EYA4: variants seen among roughly 807,000 people sequenced by gnomAD.
EYA4 encodes the protein protein phosphatase EYA4.
In EYA4, 31 loss-of-function variants were observed where a neutral mutation model predicts 87.9. That is an observed-to-expected ratio of 0.35 (90% confidence interval 0.27 to 0.48). The LOEUF is 0.48. EYA4 is among the 20% of genes least tolerant of loss of function. The pLI, the probability that EYA4 is intolerant of heterozygous loss-of-function variation, is 0.99. For synonymous variants in EYA4, 263 were observed against 270.6 expected (o/e 0.97, Z 0.28); for missense variants, 678 against 761.4 (o/e 0.89, Z 1.29).
At chr6:133,311,007 T>C (rs1017169558) in intron 2 of EYA4, among the ~76,000 whole-genome samples, 1 of 152,226 alleles carries the variant, frequency 6.6e-6, no homozygotes, top group African/African-American at 2.4e-5. Context: ...TATACCTATA[T>C]TTGAAGTTGT....
At chr6:133,250,535 G>C (rs1014640018) in intron 1 of EYA4, among the ~76,000 whole-genome samples, 2 of 152,024 alleles carry the variant, frequency 1.3e-5, no homozygotes, top group Non-Finnish European at 2.9e-5. Flanking sequence ...CCAGCTACTC[G>C]GGAGGCTGAG....
intron 3 of EYA4, among the ~76,000 whole-genome samples, chr6:133,384,685 A>G (rs1248672920): frequency 2.6e-5 from 4 of 152,172 alleles, no homozygotes; most frequent in Non-Finnish European, 5.9e-5. Context: ...GTCAATATCT[A>G]TCAATAACAT....
At chr6:133,368,160 G>A (rs1160692636) in intron 2 of EYA4, among the ~76,000 whole-genome samples, 1 of 152,152 alleles carries the variant, frequency 6.6e-6, no homozygotes, top group Non-Finnish European at 1.5e-5. Flanking sequence ...CTGAGATAAA[G>A]ATTATATTTC....
rs1789736635 is a variant in EYA4, at chr6:133,416,635, T to C, written c.84-29995T>C. The stretch of plus-strand genomic sequence containing the variant: ...AGCATTACGTATATATTATATTACA[T>C]TGATATCATAGAAGAGCAAAACTGC... On this transcript the variant is annotated intron_variant, in intron 3 of 19. Transcript: ENST00000355286. Among the ~76,000 whole-genome samples, 3 of 152,222 alleles carry C rather than the reference T, an allele frequency of 2.0e-5. No individual in the cohort carries two copies. The South Asian group carries it at 6.2e-4, about 32-fold the overall frequency.
rs921412168 is a variant in EYA4 at position 133,531,134 on chromosome 6, G to A, written c.*2329G>A. On this transcript the variant is annotated 3_prime_UTR_variant, in exon 20 of 20. Coordinates refer to ENST00000355286, the MANE Select transcript of EYA4 (RefSeq NM_004100.5). ...GCAGAAAGAAACACCCCTTGGAAGG[G>A]CAAAGAGAAGCCGGCTGGTTGCATC... 40 of 1,528,088 alleles carry A rather than the reference G, an allele frequency of 2.6e-5. No homozygotes were observed. Among genetic ancestry groups the A allele is most frequent in the Non-Finnish European group, 3.4e-5 (39 of 1,142,604 alleles). The allele number at this position is 1,528,088 out of a possible 1,614,324, so 94.7% of individuals were successfully genotyped here. A position where few individuals can be genotyped will look rare whatever the true frequency, so the allele number is the denominator to read the frequency against.
chr6:133,391,313 T>G (rs1410034822), intron 3 of EYA4, among the ~76,000 whole-genome samples: 1 of 144,120 alleles, frequency 6.9e-6, no homozygotes, highest in Non-Finnish European at 1.5e-5. Context: ...CACCACAACC[T>G]CCACCTCCCA....
intron 5 of EYA4, among the ~76,000 whole-genome samples, chr6:133,448,451 A>G (rs1250720326): frequency 6.6e-6 from 1 of 152,106 alleles, no homozygotes; most frequent in African/African-American, 2.4e-5. Flanking sequence ...TGGTTTTCTA[A>G]CTATTTATCA....
chr6:133,310,023 G>A (rs1373469239), intron 2 of EYA4, among the ~76,000 whole-genome samples: 1 of 152,170 alleles, frequency 6.6e-6, no homozygotes. Flanking sequence ...CTTAATATGA[G>A]GTTTTATGTG....
chr6:133,304,324 C>T (rs1294183247), intron 2 of EYA4, among the ~76,000 whole-genome samples: 3 of 152,194 alleles, frequency 2.0e-5, no homozygotes, highest in East Asian at 3.9e-4. Flanking sequence ...GGGAGCTGTG[C>T]CGGATTCTCT....
At chr6:133,319,536 A>G (rs1582943754) in intron 2 of EYA4, among the ~76,000 whole-genome samples, 1 of 148,860 alleles carries the variant, frequency 6.7e-6, no homozygotes, top group African/African-American at 2.5e-5. Flanking sequence ...AGTCTTAATG[A>G]TTATTTTTAA....
intron 1 of EYA4, among the ~76,000 whole-genome samples, chr6:133,241,959 G>T (rs1214780355): frequency 1.3e-5 from 2 of 152,154 alleles, no homozygotes; most frequent in Non-Finnish European, 2.9e-5. Context: ...GGCCCGGGCC[G>T]CTCGGACCGC....
At chr6:133,468,886 C>G (rs1795083795) in intron 11 of EYA4, 155 bp downstream of exon 11, 2 of 768,642 alleles carry the variant, frequency 2.6e-6, no homozygotes, top group Admixed American at 2.1e-5. Flanking sequence ...CGAGGCTCTT[C>G]TGGCATTTCA....
Position 133,531,582 on chromosome 6 carries a change from C to T in EYA4, c.*2777C>T, listed in dbSNP as rs1801013177. 1 of 221,164 alleles carries T rather than the reference C, an allele frequency of 4.5e-6. No individual in the cohort carries two copies. The highest frequency in any genetic ancestry group is 9.7e-5 in the East Asian group (1 of 10,344). The allele number at this position is 221,164 out of a possible 1,614,324, so 13.7% of individuals were successfully genotyped here. On this transcript the variant is annotated 3_prime_UTR_variant, in exon 20 of 20. Coordinates refer to ENST00000355286, the MANE Select transcript of EYA4 (RefSeq NM_004100.5). ...ACCTTGTGTTGCACCTTAAAAATAT[C>T]AAGACCATGTAATTTCCATAACAAA...
At chr6:133,305,532 T>C (rs933900834) in intron 2 of EYA4, among the ~76,000 whole-genome samples, 1 of 152,228 alleles carries the variant, frequency 6.6e-6, no homozygotes, top group African/African-American at 2.4e-5. Flanking sequence ...CTGTTAAAGC[T>C]TCTATCTATG....
At chr6:133,316,092 G>A (rs956129036) in intron 2 of EYA4, among the ~76,000 whole-genome samples, 1 of 152,058 alleles carries the variant, frequency 6.6e-6, no homozygotes, top group African/African-American at 2.4e-5. Flanking sequence ...GTGTAGGTGG[G>A]TATACGATAC....
chr6:133,427,976 T>C (rs997693296), intron 3 of EYA4, among the ~76,000 whole-genome samples: 2 of 152,304 alleles, frequency 1.3e-5, no homozygotes, highest in East Asian at 1.9e-4. Flanking sequence ...TTGGAATCTA[T>C]TCTGCTAGAA....
At chr6:133,280,358 T>A (rs1430340547) in intron 2 of EYA4, among the ~76,000 whole-genome samples, 1 of 152,234 alleles carries the variant, frequency 6.6e-6, no homozygotes, top group Non-Finnish European at 1.5e-5. Context: ...TCATAATCAT[T>A]AAGGCTTACT....
intron 1 of EYA4, among the ~76,000 whole-genome samples, chr6:133,267,575 G>A (rs1280393331): frequency 2.0e-5 from 3 of 152,026 alleles, no homozygotes; most frequent in Non-Finnish European, 4.4e-5. Flanking sequence ...TAGAGACAGG[G>A]TTTCACCATG....
At chr6:133,421,252 C>T (rs575682308) in intron 3 of EYA4, among the ~76,000 whole-genome samples, 52 of 152,312 alleles carry the variant, frequency 3.4e-4, no homozygotes, top group African/African-American at 1.2e-3. Context: ...ACAGTTGCAC[C>T]TGGAGCCACA....
Sources: allele counts gnomAD v4.1 joint callset (sites outside exome capture counted in the v4.1 genomes callset), GRCh38; gene constraint gnomAD v4.1.1; transcripts MANE v1.5; gene names NCBI Gene and HGNC (gene_info 2026-07-23, HGNC 2026-07-21).